The following GRID1 variants were observed in gnomAD, a reference collection of about 807,000 sequenced individuals.
GRID1 encodes glutamate receptor ionotropic, delta-1.
Under a neutral mutation model 98.0 loss-of-function variants are expected in GRID1, and 28 were observed. The ratio of observed to expected loss-of-function variants is 0.29; its 90% CI spans 0.21 to 0.39. The LOEUF (loss-of-function observed/expected upper bound fraction) is 0.39, where lower values mean the gene tolerates loss of function less well. GRID1 is among the 10% of genes least tolerant of loss of function. The pLI is 1.00. For missense variants in GRID1, 1,111 were observed against 1,340.5 expected (o/e 0.83, Z 2.67); for synonymous variants, 553 against 538.5 (o/e 1.03, Z -0.37).
chr10:86,061,742 C>T (rs1460218481), intron 4 of GRID1, among the ~76,000 whole-genome samples: 1 of 152,218 alleles, frequency 6.6e-6, no homozygotes, highest in Non-Finnish European at 1.5e-5. Context: ...CAAGACTCCT[C>T]CTGCAGGAAT....
intron 2 of GRID1, among the ~76,000 whole-genome samples, chr10:86,291,489 T>C (rs1188873475): frequency 6.6e-6 from 1 of 152,098 alleles, no homozygotes; most frequent in Non-Finnish European, 1.5e-5. Flanking sequence ...GCCTCGCCAG[T>C]ACCAGCCCTG....
At position 86,365,507 on chromosome 10, in the gene GRID1, TTC is replaced by T. The variant is rs561312714; in HGVS notation, c.79+805_79+806del. On this transcript the variant is annotated intron_variant, in intron 1 of 15. Coordinates refer to ENST00000327946, the MANE Select transcript of GRID1 (RefSeq NM_017551.3). The surrounding 1 kb of genome is among the most constrained non-coding windows in gnomAD (Gnocchi z 4.8). ...TCTGCGCTTTCATCTTCTCTCCCGG[TTC>T]TCTCTCTCTATCCATCTCTTCCCGC... Among the ~76,000 whole-genome samples, 344 of 145,624 alleles carry T rather than the reference TTC, an allele frequency of 2.4e-3. No homozygotes were observed. Among genetic ancestry groups the T allele is most frequent in the Non-Finnish European group, 4.3e-3 (288 of 66,230 alleles).
At position 85,889,941 on chromosome 10, in the gene GRID1, G is replaced by A. The variant is rs111611142; in HGVS notation, c.781-20761C>T. On this transcript the variant is annotated intron_variant, in intron 5 of 15. Coordinates refer to ENST00000327946, the MANE Select transcript of GRID1 (RefSeq NM_017551.3). ...AAATTGACACATAATGCACATATTC[G>A]GGGGTATATAATGATGCTTCAATTC... Among the ~76,000 whole-genome samples, 29 of 151,992 alleles carry A rather than the reference G, an allele frequency of 1.9e-4. 2 individuals carry two copies. The highest frequency in any genetic ancestry group is 5.8e-4 in the African/African-American group (24 of 41,440).
chr10:85,899,929 C>T (rs1841355490), intron 5 of GRID1, among the ~76,000 whole-genome samples: 1 of 152,222 alleles, frequency 6.6e-6, no homozygotes, highest in Admixed American at 6.5e-5. Flanking sequence ...TGCCTCCTCA[C>T]TTTCCTTTCC....
chr10:86,244,993 A>G (rs1471689681), intron 2 of GRID1, among the ~76,000 whole-genome samples: 2 of 152,244 alleles, frequency 1.3e-5, no homozygotes, highest in Non-Finnish European at 2.9e-5. Context: ...CCAGGGCCCA[A>G]AATTGGAGGC....
At chr10:85,757,285 G>A (rs1161104936) in intron 8 of GRID1, among the ~76,000 whole-genome samples, 2 of 152,222 alleles carry the variant, frequency 1.3e-5, no homozygotes, top group Non-Finnish European at 2.9e-5. Context: ...GAGAAGGAAA[G>A]TTTTCCCTAT....
chr10:86,343,559 A>G (rs1848340849), intron 2 of GRID1, among the ~76,000 whole-genome samples: 1 of 152,220 alleles, frequency 6.6e-6, no homozygotes, highest in Non-Finnish European at 1.5e-5. Flanking sequence ...TTGCAGAGAA[A>G]TATTCCTTGC....
intron 12 of GRID1, among the ~76,000 whole-genome samples, chr10:85,718,123 C>T (rs1841660609): frequency 6.6e-6 from 1 of 152,198 alleles, no homozygotes; most frequent in Non-Finnish European, 1.5e-5. Context: ...GTGGATTTAC[C>T]ATTCTGTGGT....
intron 3 of GRID1, among the ~76,000 whole-genome samples, chr10:86,186,573 T>A (rs1845728294): frequency 6.6e-6 from 1 of 152,246 alleles, no homozygotes; most frequent in South Asian, 2.1e-4. Flanking sequence ...AGTGTTTGTC[T>A]TTCTTGATGG....
At chr10:86,038,621 C>A (rs1843303476) in intron 4 of GRID1, among the ~76,000 whole-genome samples, 1 of 152,206 alleles carries the variant, frequency 6.6e-6, no homozygotes. Context: ...AAGCTCCAGG[C>A]CCCTTTGCAC....
At chr10:85,707,133 G>A (rs1348807518) in intron 12 of GRID1, among the ~76,000 whole-genome samples, 1 of 152,086 alleles carries the variant, frequency 6.6e-6, no homozygotes, top group Non-Finnish European at 1.5e-5. Context: ...AAACTAAATA[G>A]CTTCTGCACA....
chr10:86,319,572 TC>T, intron 2 of GRID1, among the ~76,000 whole-genome samples: 1 of 149,752 alleles, frequency 6.7e-6, no homozygotes, highest in African/African-American at 2.5e-5. Flanking sequence ...CCCTCCCCTC[TC>T]CCCCCAACTC....
intron 2 of GRID1, among the ~76,000 whole-genome samples, chr10:86,233,881 C>T (rs1589420675): frequency 6.9e-6 from 1 of 143,968 alleles, no homozygotes; most frequent in African/African-American, 2.5e-5. Flanking sequence ...TCCCCAGGTC[C>T]CTTGGTGATT....
At position 86,271,968 on chromosome 10, in the gene GRID1, A is replaced by C. The variant is rs1847192267; in HGVS notation, c.236-65320T>G. ...GCACAAGAAACATGAAGAAAAATAC[A>C]TCAAGACACATTATAATCAAAATGC... On this transcript the variant is annotated intron_variant, in intron 2 of 15. Coordinates refer to ENST00000327946, the MANE Select transcript of GRID1 (RefSeq NM_017551.3). Among the ~76,000 whole-genome samples, 6 of 152,312 alleles carry C rather than the reference A, an allele frequency of 3.9e-5. No homozygotes were observed. The South Asian group carries it at 1.2e-3, about 32-fold the overall frequency.
rs1842591756 is a variant in GRID1 at position 85,602,378 on chromosome 10, C to T, written c.2925G>A (p.Leu975=). Reference sequence around the variant, plus strand: ...GGGTCTTCACCGGGCTCTGCCGGAACAGCCCCCCGTTGGGTGACCTGTGTT... The same window carrying T: ...GGGTCTTCACCGGGCTCTGCCGGAATAGCCCCCCGTTGGGTGACCTGTGTT... ...QCKHRSPNGG[L]FRQSPVKTPI... is the part of the protein sequence containing the mutation. The change falls in exon 16 of 16, where the codon CTG becomes CTA. Residue 975 remains leucine (L), a synonymous_variant. Transcript: ENST00000327946. 2 of 1,606,388 alleles carry T rather than the reference C, an allele frequency of 1.2e-6. No individual in the cohort carries two copies. The highest frequency in any genetic ancestry group is 2.2e-5 in the East Asian group (1 of 44,688).
intron 2 of GRID1, among the ~76,000 whole-genome samples, chr10:86,353,075 T>C (rs991264228): frequency 6.6e-6 from 1 of 152,028 alleles, no homozygotes; most frequent in Non-Finnish European, 1.5e-5. Context: ...GAAAGGAAAA[T>C]GTGTTTATTG....
chr10:86,348,560 C>T lies in GRID1; in HGVS notation c.235+15381G>A, dbSNP rs114526652. 6.2e-3 allele frequency among the ~76,000 whole-genome samples: 948 copies of T among 152,302 alleles called. 8 individuals carry two copies. Among genetic ancestry groups the T allele is most frequent in the African/African-American group, 0.022 (908 of 41,552 alleles). ...GCCAGCAGCCACAGGGGCCTGGTGT[C>T]GGGAAGATGCCCTGGGGAGCTCTGA... is the stretch of plus-strand genomic sequence containing the variant. On this transcript the variant is annotated intron_variant, in intron 2 of 15. Transcript: ENST00000327946.
At chr10:86,021,800 G>A (rs1843053110) in intron 4 of GRID1, among the ~76,000 whole-genome samples, 1 of 152,120 alleles carries the variant, frequency 6.6e-6, no homozygotes, top group South Asian at 2.1e-4. Flanking sequence ...GGAGCCATCG[G>A]CTTCTCAGAC....
chr10:85,938,360 C>G (rs1841954230), intron 4 of GRID1, among the ~76,000 whole-genome samples: 1 of 152,198 alleles, frequency 6.6e-6, no homozygotes, highest in Non-Finnish European at 1.5e-5. Flanking sequence ...TACTCTTGCC[C>G]TGACTTTCAA....
Sources: gnomAD v4.1 joint callset for allele counts (sites outside exome capture counted in the v4.1 genomes callset) on GRCh38, gnomAD v4.1.1 for gene constraint, Gnocchi (gnomAD v3.1) non-coding constraint, MANE v1.5 for transcripts, NCBI Gene and HGNC (gene_info 2026-07-23, HGNC 2026-07-21) for gene names.